The following JAKMIP2 variants were observed in gnomAD, a reference collection of about 807,000 sequenced individuals.
JAKMIP2 encodes the protein janus kinase and microtubule interacting protein 2, also known as janus kinase and microtubule-interacting protein 2.
JAKMIP2 carries 25 observed loss-of-function variants against 115.0 expected under a neutral mutation model. The ratio of observed to expected loss-of-function variants is 0.22; its 90% CI spans 0.16 to 0.30. JAKMIP2 has a LOEUF of 0.30. JAKMIP2 is among the 10% of genes least tolerant of loss of function. The pLI, the probability that JAKMIP2 is intolerant of heterozygous loss-of-function variation, is 1.00. For missense variants in JAKMIP2, 642 were observed against 957.6 expected, an observed-to-expected ratio of 0.67 and a Z score of 4.35; for synonymous variants, 334 against 343.6, an observed-to-expected ratio of 0.97 and a Z score of 0.31.
At chr5:147,658,172 G>A (rs1429397543) in intron 3 of JAKMIP2, among the ~76,000 whole-genome samples, 1 of 152,060 alleles carries the variant, frequency 6.6e-6, no homozygotes, top group Non-Finnish European at 1.5e-5. Flanking sequence ...CCTTTGGATG[G>A]GGTTTTTGTG....
intron 1 of JAKMIP2, among the ~76,000 whole-genome samples, chr5:147,708,201 A>C (rs1280538931): frequency 6.6e-6 from 1 of 152,190 alleles, no homozygotes; most frequent in East Asian, 1.9e-4. Context: ...GCTAACAAAA[A>C]ATGAAAAACA....
intron 1 of JAKMIP2, among the ~76,000 whole-genome samples, chr5:147,676,667 C>T (rs1021691219): frequency 1.3e-5 from 2 of 152,310 alleles, no homozygotes; most frequent in Admixed American, 1.3e-4. Flanking sequence ...TCAGGCACCT[C>T]CTACAGCCTC....
chr5:147,649,945 A>AT (rs1318186250), intron 4 of JAKMIP2, among the ~76,000 whole-genome samples: 2 of 152,200 alleles, frequency 1.3e-5, no homozygotes, highest in Non-Finnish European at 2.9e-5. Context: ...GCAGTTATAC[A>AT]TTTTGACCCC....
At chr5:147,648,027 A>C (rs538967060) in intron 5 of JAKMIP2, among the ~76,000 whole-genome samples, 26 of 152,350 alleles carry the variant, frequency 1.7e-4, no homozygotes, top group African/African-American at 6.3e-4. Context: ...TGAGTGAAAG[A>C]AGCAGAAGAA....
chr5:147,769,923 C>T (rs947022272), intron 1 of JAKMIP2, among the ~76,000 whole-genome samples: 2 of 152,018 alleles, frequency 1.3e-5, no homozygotes, highest in Admixed American at 6.6e-5. Flanking sequence ...ATATTTACCA[C>T]ATTTTGTTAA....
chr5:147,637,139 G>C lies in JAKMIP2; in HGVS notation c.1531-91C>G, dbSNP rs75190501. ...ACTCAACAAGTAAGAGAGAGAGAGA[G>C]GAAAAAAAGAAGAATTTTCTATGAC... On this transcript the variant is annotated intron_variant, in intron 10 of 21. Coordinates refer to ENST00000616793, the MANE Select transcript of JAKMIP2 (RefSeq NM_001270941.2). The C allele has an allele frequency of 5.2e-3, 3,914 of 749,142 alleles. 113 individuals are homozygous for C. In the African/African-American group the frequency reaches 0.06, roughly 11 times the overall value. 46.4% of individuals were successfully genotyped at this position (749,142 alleles called of 1,614,324 possible).
At position 147,671,889 on chromosome 5, in the gene JAKMIP2, C is replaced by T. The variant is rs1759616708; in HGVS notation, c.-83G>A. On this transcript the variant is annotated 5_prime_UTR_variant, in exon 2 of 22. Transcript: ENST00000616793. ...TGTTACTGTTTCTTATCCTGGAGTA[C>T]GATGTCTCAGCATCTACTGTGTGGT... 3.5e-6 allele frequency: 5 copies of T among 1,416,958 alleles called. No homozygotes were observed. The highest frequency in any genetic ancestry group is 1.7e-5 in the South Asian group (1 of 59,028). The allele number at this position is 1,416,958 out of a possible 1,614,324, so 87.8% of individuals were successfully genotyped here.
At chr5:147,639,819 A>G in intron 9 of JAKMIP2, 59 bp from the exon 10 acceptor site, 2 of 1,572,208 alleles carry the variant, frequency 1.3e-6, no homozygotes, top group Middle Eastern at 1.7e-4. Flanking sequence ...CCTGTTTTCA[A>G]TGTGAAATAT....
chr5:147,755,526 AT>A (rs1333789270), intron 1 of JAKMIP2, among the ~76,000 whole-genome samples: 1 of 152,192 alleles, frequency 6.6e-6, no homozygotes, highest in African/African-American at 2.4e-5. Context: ...AACACCCACA[AT>A]AGTGATACAC....
At chr5:147,702,600 GAAGGAAAGAAAGAAAGAAA>G (rs1561547323) in intron 1 of JAKMIP2, among the ~76,000 whole-genome samples, 41 of 102,326 alleles carry the variant, frequency 4.0e-4, no homozygotes, top group South Asian at 1.4e-3. Flanking sequence ...AAGAAAGAAA[GAAGGAAAGAAAGAAAGAAA>G]GAAAGAAAGA....
At chr5:147,760,689 A>G (rs189938884) in intron 1 of JAKMIP2, among the ~76,000 whole-genome samples, 1 of 152,236 alleles carries the variant, frequency 6.6e-6, no homozygotes, top group African/African-American at 2.4e-5. Context: ...TTCAACACAC[A>G]TTGCTGTAAA....
chr5:147,653,891 G>T (rs1396273935), intron 3 of JAKMIP2, among the ~76,000 whole-genome samples: 1 of 152,160 alleles, frequency 6.6e-6, no homozygotes, highest in Non-Finnish European at 1.5e-5. Context: ...TTTTGTATAA[G>T]GTGTAAGGAA....
intron 17 of JAKMIP2, among the ~76,000 whole-genome samples, chr5:147,621,554 A>G (rs1163565377): frequency 6.6e-6 from 1 of 152,238 alleles, no homozygotes; most frequent in African/African-American, 2.4e-5. Flanking sequence ...AGTGCCTGAT[A>G]CAGACTAATT....
intron 1 of JAKMIP2, among the ~76,000 whole-genome samples, chr5:147,760,278 T>C (rs1754885983): frequency 6.6e-6 from 1 of 151,918 alleles, no homozygotes. Context: ...ATCCTAGAGA[T>C]GCAGATGCAT....
chr5:147,693,670 G>A (rs1751975529), intron 1 of JAKMIP2, among the ~76,000 whole-genome samples: 1 of 151,830 alleles, frequency 6.6e-6, no homozygotes, highest in African/African-American at 2.4e-5. Flanking sequence ...AAAAAAATTG[G>A]AATTAAAACT....
chr5:147,688,686 A>G (rs1760688685), intron 1 of JAKMIP2, among the ~76,000 whole-genome samples: 1 of 152,188 alleles, frequency 6.6e-6, no homozygotes, highest in Admixed American at 6.5e-5. Context: ...TCTCAACCGC[A>G]TCACTATAGT....
intron 1 of JAKMIP2, among the ~76,000 whole-genome samples, chr5:147,774,441 T>C (rs1375766668): frequency 6.6e-6 from 1 of 152,164 alleles, no homozygotes; most frequent in Non-Finnish European, 1.5e-5. Context: ...ATTCTCCAAA[T>C]TGGTTATCAT....
chr5:147,704,414 T>C (rs1413631979), intron 1 of JAKMIP2, among the ~76,000 whole-genome samples: 2 of 152,122 alleles, frequency 1.3e-5, no homozygotes, highest in Admixed American at 6.6e-5. Context: ...TGGACCACCA[T>C]GGTAGATGTG....
At chr5:147,623,534 C>G (rs912770238) in intron 17 of JAKMIP2, 87 bp downstream of exon 17, 1 of 763,174 alleles carries the variant, frequency 1.3e-6, no homozygotes, top group African/African-American at 1.8e-5. Flanking sequence ...TTCATCAGTG[C>G]CAGATAAAAC....
Sources: allele counts gnomAD v4.1 joint callset (sites outside exome capture counted in the v4.1 genomes callset), GRCh38; gene constraint gnomAD v4.1.1; transcripts MANE v1.5; gene names NCBI Gene and HGNC (gene_info 2026-07-23, HGNC 2026-07-21).